CNTN3: variants seen among roughly 807,000 people sequenced by gnomAD.
CNTN3 encodes contactin 3.
A neutral mutation model predicts 119.1 loss-of-function variants in CNTN3; 60 were observed. The observed-to-expected ratio is 0.50, with a 90% CI of 0.41 to 0.62. The LOEUF is 0.62. Among genes scored for constraint, CNTN3 ranks in the 20% least tolerant of loss-of-function variants. The pLI, the probability that CNTN3 is intolerant of heterozygous loss-of-function variation, is 0.00. For synonymous variants in CNTN3, 450 were observed against 438.7 expected, an observed-to-expected ratio of 1.03 and a Z score of -0.32; for missense variants, 1,101 against 1,242.4, an observed-to-expected ratio of 0.89 and a Z score of 1.71.
At position 74,263,616 on chromosome 3, in the gene CNTN3, G is replaced by A. The variant is rs1269515442; in HGVS notation, c.*785C>T. Reference sequence around the variant, plus strand: ...CAGAATGAAGCTTGAAAATCTGGCTGGTCTTCATGACTTTTATGTGATTAA... The same window carrying A: ...CAGAATGAAGCTTGAAAATCTGGCTAGTCTTCATGACTTTTATGTGATTAA... On this transcript the variant is annotated 3_prime_UTR_variant, in exon 23 of 23. Transcript: ENST00000263665. The A allele has an allele frequency of 6.6e-6, 1 of 151,762 alleles. No individual in the cohort carries two copies. Among genetic ancestry groups the A allele is most frequent in the African/African-American group, 2.4e-5 (1 of 41,332 alleles). 9.4% of individuals were successfully genotyped at this position (151,762 alleles called of 1,614,324 possible).
chr3:74,310,350 G>T (rs1289586886), intron 13 of CNTN3, among the ~76,000 whole-genome samples: 1 of 152,134 alleles, frequency 6.6e-6, no homozygotes, highest in Non-Finnish European at 1.5e-5. Context: ...AACCTTAGTG[G>T]ATTAGAAAAT....
At chr3:74,471,469 C>A (rs1702565510) in intron 4 of CNTN3, among the ~76,000 whole-genome samples, 1 of 151,984 alleles carries the variant, frequency 6.6e-6, no homozygotes, top group African/African-American at 2.4e-5. Context: ...CAAAAGTAAC[C>A]ATTTCCTAGT....
intron 3 of CNTN3, among the ~76,000 whole-genome samples, chr3:74,489,281 G>A (rs116332850): frequency 2.6e-5 from 4 of 152,024 alleles, no homozygotes; most frequent in Non-Finnish European, 5.9e-5. Flanking sequence ...AACTGATCTA[G>A]ACCATCCCCA....
chr3:74,575,606 A>ACACACACACACAC (rs60119036), intron 1 of CNTN3, among the ~76,000 whole-genome samples: 1 of 135,096 alleles, frequency 7.4e-6, no homozygotes, highest in Non-Finnish European at 1.6e-5. Flanking sequence ...AGTCTCTCCC[A>ACACACACACACAC]ACACACACAC....
intron 11 of CNTN3, among the ~76,000 whole-genome samples, chr3:74,343,631 A>C (rs1244825202): frequency 6.6e-6 from 1 of 152,238 alleles, no homozygotes; most frequent in African/African-American, 2.4e-5. Flanking sequence ...TTCCTTGAGG[A>C]ATTCTTTGCC....
intron 1 of CNTN3, among the ~76,000 whole-genome samples, chr3:74,608,215 TG>T (rs143661303): frequency 0.028 from 4,215 of 152,324 alleles, 79 homozygotes; most frequent in South Asian, 0.04. Context: ...TTAACCTTTC[TG>T]CAGAAACATC....
intron 5 of CNTN3, among the ~76,000 whole-genome samples, chr3:74,385,470 C>T (rs1486101420): frequency 2.6e-5 from 4 of 152,154 alleles, no homozygotes; most frequent in South Asian, 2.1e-4. Context: ...TATCTCTGAT[C>T]GTTAAAGTAA....
chr3:74,353,365 A>C (rs1703858762), intron 11 of CNTN3, among the ~76,000 whole-genome samples: 1 of 152,220 alleles, frequency 6.6e-6, no homozygotes, highest in Admixed American at 6.5e-5. Flanking sequence ...ACAAATGGCA[A>C]AAGTGGCCAG....
chr3:74,580,731 A>G (rs995377052), intron 1 of CNTN3, among the ~76,000 whole-genome samples: 3 of 152,180 alleles, frequency 2.0e-5, no homozygotes, highest in African/African-American at 7.2e-5. Context: ...AATATGATAA[A>G]GAGTATTAAC....
intron 1 of CNTN3, among the ~76,000 whole-genome samples, chr3:74,554,991 G>A (rs1011671023): frequency 1.6e-4 from 24 of 152,210 alleles, no homozygotes; most frequent in South Asian, 2.1e-4. Context: ...GTCTTGTGCC[G>A]GTTTTCAAAG....
intron 5 of CNTN3, among the ~76,000 whole-genome samples, chr3:74,376,020 C>T (rs1314145583): frequency 6.6e-6 from 1 of 152,090 alleles, no homozygotes; most frequent in East Asian, 1.9e-4. Flanking sequence ...GGTATGACTA[C>T]ACCAGCAGAG....
chr3:74,348,630 A>G (rs936369587), intron 11 of CNTN3, among the ~76,000 whole-genome samples: 2 of 152,170 alleles, frequency 1.3e-5, no homozygotes, highest in African/African-American at 2.4e-5. Context: ...AGAGACTGTA[A>G]TGGACACCTA....
chr3:74,370,240 A>T (rs975631871), intron 6 of CNTN3, among the ~76,000 whole-genome samples: 3 of 152,048 alleles, frequency 2.0e-5, no homozygotes, highest in Non-Finnish European at 4.4e-5. Flanking sequence ...CAGAGCTTTA[A>T]AAAACCTGAA....
chr3:74,328,293 G>A (rs895682433), intron 13 of CNTN3, among the ~76,000 whole-genome samples: 1 of 151,908 alleles, frequency 6.6e-6, no homozygotes, highest in East Asian at 1.9e-4. Flanking sequence ...TACATTATTT[G>A]AGGTATTATT....
intron 1 of CNTN3, among the ~76,000 whole-genome samples, chr3:74,610,196 T>C (rs1200094863): frequency 6.6e-6 from 1 of 152,030 alleles, no homozygotes; most frequent in East Asian, 1.9e-4. Flanking sequence ...TGGCGGTGTG[T>C]GTCTATAGTC....
chr3:74,414,033 G>A (rs185645588), intron 5 of CNTN3, among the ~76,000 whole-genome samples: 228 of 152,226 alleles, frequency 1.5e-3, no homozygotes, highest in Non-Finnish European at 2.4e-3. Context: ...TAACCAAGTG[G>A]TAAGAGAGGT....
intron 1 of CNTN3, among the ~76,000 whole-genome samples, chr3:74,527,093 T>G (rs1416278744): frequency 6.6e-6 from 1 of 151,918 alleles, no homozygotes; most frequent in South Asian, 2.1e-4. Context: ...TATAGATATG[T>G]GTGTTCATGT....
chr3:74,507,626 CTTTTTT>C (rs59540461), intron 2 of CNTN3, among the ~76,000 whole-genome samples: 113 of 103,652 alleles, frequency 1.1e-3, no homozygotes, highest in East Asian at 3.3e-3. Context: ...TTCTTTCTTT[CTTTTTT>C]TTTTTTTTTT....
chr3:74,600,117 G>C (rs1704884558), intron 1 of CNTN3, among the ~76,000 whole-genome samples: 1 of 152,058 alleles, frequency 6.6e-6, no homozygotes, highest in Non-Finnish European at 1.5e-5. Flanking sequence ...AATCATATGT[G>C]GGATAAGAAG....
Sources: allele counts gnomAD v4.1 joint callset (sites outside exome capture counted in the v4.1 genomes callset), GRCh38; gene constraint gnomAD v4.1.1; transcripts MANE v1.5; gene names NCBI Gene and HGNC (gene_info 2026-07-23, HGNC 2026-07-21).